Variants in UBA6 observed in about 807,000 individuals in gnomAD.
The protein encoded by UBA6 is ubiquitin like modifier activating enzyme 6, also known as ubiquitin-like modifier-activating enzyme 6.
UBA6 carries 87 observed loss-of-function variants against 148.3 expected under a neutral mutation model. That is an observed-to-expected ratio of 0.59 (90% CI 0.49 to 0.70). The LOEUF is 0.70. Among genes scored for constraint, UBA6 ranks in the 30% least tolerant of loss-of-function variants. UBA6 has a pLI of 0.00. For synonymous variants in UBA6, 376 were observed against 401.0 expected, an observed-to-expected ratio of 0.94 and a Z score of 0.75; for missense variants, 1,186 against 1,241.2, an observed-to-expected ratio of 0.96 and a Z score of 0.67.
intron 2 of UBA6, among the ~76,000 whole-genome samples, chr4:67,695,110 A>T (rs1730801489): frequency 6.6e-6 from 1 of 152,228 alleles, no homozygotes. Flanking sequence ...AAGTTTCACA[A>T]GGATTAAACT....
intron 27 of UBA6, among the ~76,000 whole-genome samples, chr4:67,627,103 C>A (rs558732937): frequency 6.6e-6 from 1 of 151,906 alleles, no homozygotes; most frequent in Admixed American, 6.6e-5. Context: ...AGTAATTTAA[C>A]CTTAAGAAAT....
intron 2 of UBA6, among the ~76,000 whole-genome samples, chr4:67,687,723 A>C (rs567574439): frequency 6.6e-6 from 1 of 152,310 alleles, no homozygotes; most frequent in African/African-American, 2.4e-5. Context: ...ATAAGTTAGA[A>C]TATGTGGTAT....
chr4:67,652,162 T>C (rs116073602), intron 13 of UBA6, among the ~76,000 whole-genome samples: 1,745 of 152,224 alleles, frequency 0.011, 40 homozygotes, highest in African/African-American at 0.04. Context: ...ATTTGATAAA[T>C]TGAATTTCAG....
In UBA6 at chr4:67,622,819, T is replaced by A; in HGVS notation, c.3023+12A>T. 1 of 1,588,804 alleles carries A rather than the reference T, an allele frequency of 6.3e-7. No homozygotes were observed. The highest frequency in any genetic ancestry group is 1.1e-5 in the South Asian group (1 of 87,196). On this transcript the variant is annotated intron_variant, in intron 32 of 32. Coordinates refer to ENST00000322244, the MANE Select transcript of UBA6 (RefSeq NM_018227.6). ...TTCTTGTTAATCGCTGCATATAATG[T>A]TGAATACTTACGTTAACTTCAATCT... is the stretch of plus-strand genomic sequence containing the variant.
chr4:67,655,050 G>A (rs12503724), intron 13 of UBA6, among the ~76,000 whole-genome samples: 2 of 151,848 alleles, frequency 1.3e-5, no homozygotes, highest in African/African-American at 4.8e-5. Context: ...AAGCAAGTCC[G>A]TAGAGACCTA....
chr4:67,668,707 TTC>T (rs765680976), intron 8 of UBA6, 33 bp from the exon 9 acceptor site: 7 of 1,576,836 alleles, frequency 4.4e-6, no homozygotes, highest in Non-Finnish European at 3.5e-6. Flanking sequence ...AAAAAAGAAC[TTC>T]TTTTTTGTAT....
At chr4:67,652,906 T>C (rs1729587717) in intron 13 of UBA6, among the ~76,000 whole-genome samples, 1 of 152,232 alleles carries the variant, frequency 6.6e-6, no homozygotes, top group Non-Finnish European at 1.5e-5. Context: ...CCCACGCCCA[T>C]GGAGCCTTGC....
intron 13 of UBA6, among the ~76,000 whole-genome samples, chr4:67,651,543 C>T (rs767088611): frequency 6.6e-6 from 1 of 152,038 alleles, no homozygotes; most frequent in Non-Finnish European, 1.5e-5. Flanking sequence ...AGCAAGATAC[C>T]AGTGAACAAA....
chr4:67,649,175 A>G lies in UBA6; in HGVS notation c.1141T>C (p.Trp381Arg), dbSNP rs1203427911. Residue 381 changes from tryptophan to arginine, a missense_variant, in exon 14 of 33, where the codon TGG becomes CGG. Trp to Arg is a moderately radical substitution (Grantham distance 101). Transcript: ENST00000322244. Reference protein sequence around the residue: ...VNADIVHWLSWTAQGFLSPLA... With the variant: ...VNADIVHWLSRTAQGFLSPLA... ...GGAGATAAAAAGCCTTGGGCAGTCC[A>G]AGAGAGCCAATGCACAATGTCAGCA... The G allele has an allele frequency of 6.2e-7, 1 of 1,613,162 alleles. No homozygotes were observed. The highest frequency in any genetic ancestry group is 1.1e-5 in the South Asian group (1 of 90,734).
rs1449553780 is a variant in UBA6 at position 67,617,803 on chromosome 4, C to T, written c.*1194G>A. 1 of 151,946 alleles carries T rather than the reference C, an allele frequency of 6.6e-6. No homozygotes were observed. The highest frequency in any genetic ancestry group is 1.5e-5 in the Non-Finnish European group (1 of 67,910). The allele number at this position is 151,946 out of a possible 1,614,324, so 9.4% of individuals were successfully genotyped here. ...CCTATGGTTAAAAAAAAGCCAACTG[C>T]TTCAGAATGCATGACAGTCTTAGTA... On this transcript the variant is annotated 3_prime_UTR_variant, in exon 33 of 33. Coordinates refer to ENST00000322244, the MANE Select transcript of UBA6 (RefSeq NM_018227.6).
At chr4:67,675,925 G>A (rs920424484) in intron 6 of UBA6, among the ~76,000 whole-genome samples, 2 of 151,512 alleles carry the variant, frequency 1.3e-5, no homozygotes, top group Non-Finnish European at 2.9e-5. Context: ...GGAATACCCT[G>A]TAACTTAGTT....
At chr4:67,634,816 A>T (rs1447554293) in intron 20 of UBA6, among the ~76,000 whole-genome samples, 2 of 152,022 alleles carry the variant, frequency 1.3e-5, no homozygotes, top group Non-Finnish European at 1.5e-5. Flanking sequence ...TTTTTTCCTC[A>T]TGAATCAAGG....
intron 2 of UBA6, 143 bp downstream of exon 2, chr4:67,696,502 C>T (rs1730841476): frequency 1.8e-6 from 1 of 567,840 alleles, no homozygotes; most frequent in East Asian, 2.9e-5. Flanking sequence ...TATATATACA[C>T]ACATACATAT....
chr4:67,664,629 C>T (rs1729946129), intron 10 of UBA6, among the ~76,000 whole-genome samples: 1 of 152,040 alleles, frequency 6.6e-6, no homozygotes, highest in African/African-American at 2.4e-5. Context: ...TCCCTGACAC[C>T]ACATTCTCTA....
chr4:67,645,072 CT>C (rs1161540321), intron 16 of UBA6, among the ~76,000 whole-genome samples: 3 of 152,060 alleles, frequency 2.0e-5, no homozygotes, highest in Admixed American at 6.5e-5. Context: ...AACTCATTTA[CT>C]GAATAAAACT....
chr4:67,629,270 C>T, intron 26 of UBA6, 128 bp from the exon 27 acceptor site: 2 of 628,224 alleles, frequency 3.2e-6, no homozygotes, highest in South Asian at 3.8e-5. Context: ...ATGTAGACAT[C>T]CATTTGAGAC....
intron 13 of UBA6, among the ~76,000 whole-genome samples, chr4:67,655,341 C>T (rs1370539848): frequency 6.6e-6 from 1 of 152,206 alleles, no homozygotes; most frequent in Non-Finnish European, 1.5e-5. Context: ...ACAAACTGCT[C>T]TCAGACTACA....
intron 19 of UBA6, 51 bp downstream of exon 19, chr4:67,638,892 G>T: frequency 7.4e-7 from 1 of 1,360,222 alleles, no homozygotes; most frequent in Non-Finnish European, 1.0e-6. Flanking sequence ...GTGGGAAACA[G>T]AAGTGAAAAC....
chr4:67,682,610 G>GCAA (rs1469009685), intron 2 of UBA6, among the ~76,000 whole-genome samples: 3 of 152,052 alleles, frequency 2.0e-5, no homozygotes, highest in South Asian at 4.1e-4. Context: ...GATTTCTGAG[G>GCAA]CAACAACAAC....
Sources: gnomAD v4.1 joint callset for allele counts (sites outside exome capture counted in the v4.1 genomes callset) on GRCh38, gnomAD v4.1.1 for gene constraint, MANE v1.5 for transcripts, NCBI Gene and HGNC (gene_info 2026-07-23, HGNC 2026-07-21) for gene names.